The following BCL7A variants were observed in gnomAD, a reference collection of about 807,000 sequenced individuals.
The protein encoded by BCL7A is BAF chromatin remodeling complex subunit BCL7A, also known as B-cell CLL/lymphoma 7 protein family member A.
Under a neutral mutation model 28.4 loss-of-function variants are expected in BCL7A, and 11 were observed. That is an observed-to-expected ratio of 0.39 (90% CI 0.24 to 0.64). The LOEUF (loss-of-function observed/expected upper bound fraction) is 0.64, where lower values mean the gene tolerates loss of function less well. BCL7A is among the 30% of genes least tolerant of loss of function. BCL7A has a pLI of 0.50. For synonymous variants in BCL7A, 123 were observed against 103.3 expected (o/e 1.19, Z -1.15); for missense variants, 222 against 274.8 (o/e 0.81, Z 1.36).
At chr12:122,045,345 C>A (rs1231154241) in intron 4 of BCL7A, among the ~76,000 whole-genome samples, 3 of 152,144 alleles carry the variant, frequency 2.0e-5, no homozygotes, top group Admixed American at 2.0e-4. Context: ...TGTGCCATTG[C>A]ACTCCAGTCT....
At chr12:122,023,682 G>A (rs1415728215) in intron 1 of BCL7A, among the ~76,000 whole-genome samples, 1 of 152,174 alleles carries the variant, frequency 6.6e-6, no homozygotes, top group Non-Finnish European at 1.5e-5. Flanking sequence ...CGGTGTCTCG[G>A]GAGCTCCCCT....
At chr12:122,047,595 G>C (rs900636759) in intron 4 of BCL7A, among the ~76,000 whole-genome samples, 1 of 151,932 alleles carries the variant, frequency 6.6e-6, no homozygotes, top group Non-Finnish European at 1.5e-5. Context: ...TACAATCTCC[G>C]CTCACTGCAG....
intron 3 of BCL7A, among the ~76,000 whole-genome samples, chr12:122,036,714 T>A (rs1883864320): frequency 6.8e-6 from 1 of 147,710 alleles, no homozygotes; most frequent in South Asian, 2.1e-4. Flanking sequence ...TAAAGCTCCT[T>A]TTTTTTTTTT....
At chr12:122,031,877 C>T (rs917188706) in intron 2 of BCL7A, among the ~76,000 whole-genome samples, 4 of 152,210 alleles carry the variant, frequency 2.6e-5, no homozygotes, top group African/African-American at 9.7e-5. Context: ...AGGCCAGTTA[C>T]CTCCAGAGAC....
intron 2 of BCL7A, among the ~76,000 whole-genome samples, chr12:122,032,216 A>G (rs971301601): frequency 6.6e-6 from 1 of 152,114 alleles, no homozygotes; most frequent in African/African-American, 2.4e-5. Context: ...CCGTGATCAC[A>G]TGCTCACCCC....
intron 4 of BCL7A, among the ~76,000 whole-genome samples, chr12:122,047,065 G>A (rs933257984): frequency 5.9e-5 from 9 of 151,586 alleles, no homozygotes; most frequent in Non-Finnish European, 8.8e-5. Flanking sequence ...CACCACGCCC[G>A]GCTAATTTTT....
At chr12:122,043,431 G>A (rs1311487721) in intron 3 of BCL7A, among the ~76,000 whole-genome samples, 14 of 150,584 alleles carry the variant, frequency 9.3e-5, no homozygotes, top group African/African-American at 9.8e-5. Context: ...GTCAGGGGGC[G>A]GGAGTGAGCT....
chr12:122,023,598 T>C, intron 1 of BCL7A, among the ~76,000 whole-genome samples: 1 of 152,240 alleles, frequency 6.6e-6, no homozygotes, highest in Non-Finnish European at 1.5e-5. Flanking sequence ...GTGGGCTGGG[T>C]TTGGCTCCAG....
chr12:122,022,303 C>T, intron 1 of BCL7A, 120 bp downstream of exon 1: 1 of 505,524 alleles, frequency 2.0e-6, no homozygotes, highest in Non-Finnish European at 2.5e-6. Flanking sequence ...CGCCGCGGGC[C>T]CCGGGACTTG....
chr12:122,040,130 C>T (rs1405532936), intron 3 of BCL7A, among the ~76,000 whole-genome samples: 2 of 152,202 alleles, frequency 1.3e-5, no homozygotes, highest in African/African-American at 4.8e-5. Context: ...CCGCATTTTA[C>T]AGATGGAGAA....
At chr12:122,045,145 C>T (rs977772465) in intron 4 of BCL7A, among the ~76,000 whole-genome samples, 3 of 152,104 alleles carry the variant, frequency 2.0e-5, no homozygotes, top group Admixed American at 2.0e-4. Context: ...CTTTGGGAGG[C>T]CGAGGCAGGC....
chr12:122,035,968 G>A (rs1883843292), intron 3 of BCL7A, among the ~76,000 whole-genome samples: 1 of 152,064 alleles, frequency 6.6e-6, no homozygotes, highest in African/African-American at 2.4e-5. Flanking sequence ...AGCCTCCCAA[G>A]CAGCTGGGAT....
rs888218027 is a variant in BCL7A at position 122,060,688 on chromosome 12, G to C, written c.*1525G>C. 4.3e-6 allele frequency: 1 copy of C among 232,956 alleles called. No homozygotes were observed. Among genetic ancestry groups the C allele is most frequent in the African/African-American group, 2.2e-5 (1 of 45,276 alleles). 14.4% of individuals were successfully genotyped at this position (232,956 alleles called of 1,614,324 possible). ...TTGTTGTTTTTGGGGGCTAATTGGT[G>C]CATATTCAGGTACCACCTTTGACGT... On this transcript the variant is annotated 3_prime_UTR_variant, in exon 6 of 6. Transcript: ENST00000261822.
chr12:122,024,991 C>T (rs1160394811), intron 1 of BCL7A, among the ~76,000 whole-genome samples: 1 of 149,842 alleles, frequency 6.7e-6, no homozygotes, highest in Non-Finnish European at 1.5e-5. Flanking sequence ...AAGCTGTGGC[C>T]TCCCTCTCAT....
intron 4 of BCL7A, among the ~76,000 whole-genome samples, chr12:122,045,070 G>A (rs1884044044): frequency 6.6e-6 from 1 of 152,026 alleles, no homozygotes; most frequent in South Asian, 2.1e-4. Context: ...AGAGGTAAGA[G>A]TGAGTGAGGA....
intron 3 of BCL7A, 85 bp downstream of exon 3, chr12:122,035,512 GT>G: frequency 7.7e-7 from 1 of 1,304,774 alleles, no homozygotes. Flanking sequence ...TCTCCAGCAG[GT>G]TTGTTCACAT....
At position 122,022,079 on chromosome 12, in the gene BCL7A, C is replaced by G. The variant is rs1423918166; in HGVS notation, c.-13C>G. On this transcript the variant is annotated 5_prime_UTR_variant, in exon 1 of 6. Transcript: ENST00000261822. The stretch of plus-strand genomic sequence containing the variant: ...CGGGCGCGCTCCCCAGCCTCCGTCT[C>G]CCCGCCGGAACCATGTCGGGCAGGT... The G allele has an allele frequency of 2.6e-6, 4 of 1,553,814 alleles. No homozygotes were observed. In the South Asian group the frequency reaches 4.6e-5, roughly 18 times the overall value.
chr12:122,037,422 G>A (rs1751032312), intron 3 of BCL7A, among the ~76,000 whole-genome samples: 1 of 152,180 alleles, frequency 6.6e-6, no homozygotes, highest in Admixed American at 6.6e-5. Context: ...GTCTTGTTCT[G>A]GGGAAGGAAG....
intron 1 of BCL7A, among the ~76,000 whole-genome samples, chr12:122,026,261 C>T (rs534005480): frequency 1.8e-3 from 258 of 139,784 alleles, no homozygotes; most frequent in African/African-American, 6.8e-3. Context: ...AGCGAGACTC[C>T]GTCTCAAAAA....
Sources: allele counts gnomAD v4.1 joint callset (sites outside exome capture counted in the v4.1 genomes callset), GRCh38; gene constraint gnomAD v4.1.1; transcripts MANE v1.5; gene names NCBI Gene and HGNC (gene_info 2026-07-23, HGNC 2026-07-21).